The following SETDB1 variants were observed in gnomAD, a reference collection of about 807,000 sequenced individuals.
The protein encoded by SETDB1 is SET domain bifurcated histone lysine methyltransferase 1.
A neutral mutation model predicts 137.4 loss-of-function variants in SETDB1; 31 were observed. That is an observed-to-expected ratio of 0.23 (90% CI 0.17 to 0.30). The LOEUF (loss-of-function observed/expected upper bound fraction) is 0.30. Ranked by LOEUF, SETDB1 falls within the 10% of genes least tolerant of loss-of-function variation. The pLI, the probability that SETDB1 is intolerant of heterozygous loss-of-function variation, is 1.00. For missense variants in SETDB1, 1,113 were observed against 1,631.5 expected (o/e 0.68, Z 5.47); for synonymous variants, 548 against 579.9 (o/e 0.95, Z 0.79).
rs762872891 is a variant in SETDB1 at position 150,950,519 on chromosome 1, C to A, written c.1645C>A (p.Pro549Thr). ...CTCAGCACTCCCGGCCCCTCCAGCA[C>A]CCCCAGTCTTCCATGGCATGCTGGA... ...APSALPAPPA[P>T]PVFHGMLERA... Residue 549 changes from proline to threonine, a missense_variant, in exon 13 of 22, where the codon CCC becomes ACC. Transcript: ENST00000692827. 4.3e-6 allele frequency: 7 copies of A among 1,613,570 alleles called. No individual in the cohort carries two copies. In the Admixed American group the frequency reaches 5.0e-5, roughly 12 times the overall value.
intron 15 of SETDB1, 132 bp from the exon 16 acceptor site, chr1:150,960,431 C>A (rs1328534823): frequency 1.4e-6 from 1 of 730,740 alleles, no homozygotes; most frequent in Non-Finnish European, 2.2e-6. Context: ...GAGCCGAGAT[C>A]GCGCCACTGC....
chr1:150,932,023 G>A (rs1669775414), intron 3 of SETDB1, among the ~76,000 whole-genome samples: 1 of 151,924 alleles, frequency 6.6e-6, no homozygotes, highest in Non-Finnish European at 1.5e-5. Flanking sequence ...CATTCCTGGA[G>A]TAAACCAGCC....
intron 13 of SETDB1, 45 bp from the exon 14 acceptor site, chr1:150,951,320 C>T: frequency 7.1e-7 from 1 of 1,399,492 alleles, no homozygotes; most frequent in Non-Finnish European, 1.0e-6. Context: ...TATTTTTGTT[C>T]TCTGATCCCC....
chr1:150,931,691 C>T (rs1669759970), intron 3 of SETDB1, among the ~76,000 whole-genome samples: 2 of 133,414 alleles, frequency 1.5e-5, no homozygotes, highest in South Asian at 4.8e-4. Context: ...CTACTGCACT[C>T]CAGCCTGGGC....
intron 10 of SETDB1, 132 bp from the exon 11 acceptor site, chr1:150,948,990 A>G (rs778643431): frequency 3.3e-6 from 3 of 909,716 alleles, no homozygotes; most frequent in South Asian, 1.8e-5. Flanking sequence ...AACTGCTGGG[A>G]TTACAGGCAA....
At chr1:150,958,360 T>A (rs1670718669) in intron 14 of SETDB1, among the ~76,000 whole-genome samples, 1 of 149,536 alleles carries the variant, frequency 6.7e-6, no homozygotes, top group African/African-American at 2.5e-5. Context: ...CAAGGAATTC[T>A]CCTACCTCAG....
intron 4 of SETDB1, 29 bp downstream of exon 4, chr1:150,940,003 G>C: frequency 6.3e-7 from 1 of 1,590,720 alleles, no homozygotes; most frequent in Non-Finnish European, 8.6e-7. Context: ...GGAAGGGTGA[G>C]AGATAAGAAT....
chr1:150,948,634 TTA>T (rs957361842), intron 10 of SETDB1, among the ~76,000 whole-genome samples: 37 of 152,264 alleles, frequency 2.4e-4, no homozygotes, highest in Middle Eastern at 3.4e-3. Context: ...AGAAAAAGTA[TTA>T]TCTAAGTCAA....
chr1:150,960,095 A>AT (rs1670776089), intron 15 of SETDB1, among the ~76,000 whole-genome samples: 1 of 151,400 alleles, frequency 6.6e-6, no homozygotes, highest in Non-Finnish European at 1.5e-5. Context: ...AAAAAAAAAA[A>AT]CAGAAATGAG....
At position 150,942,644 on chromosome 1, in the gene SETDB1, C is replaced by G; in HGVS notation, c.629C>G (p.Thr210Ser). The change falls in exon 6 of 22, where the codon ACT (threonine) becomes AGT (serine). Residue 210 changes from threonine to serine, a missense_variant. Thr to Ser is a moderately conservative substitution (Grantham distance 58). This residue lies in a region of SETDB1 where 154 missense variants were observed against 303.1 expected (regional missense o/e 0.51). Transcript: ENST00000692827. ...VSMRILGKKRTKTWHKGTLIA... is the reference protein window; with the variant it reads ...VSMRILGKKRSKTWHKGTLIA... ...ATGCGAATTCTGGGCAAGAAGAGAA[C>G]TAAGACTTGGCACAAAGGCACCCTT... The G allele has an allele frequency of 1.2e-6, 2 of 1,613,928 alleles. No individual in the cohort carries two copies. The highest frequency in any genetic ancestry group is 1.7e-6 in the Non-Finnish European group (2 of 1,179,956).
At position 150,942,853 on chromosome 1, in the gene SETDB1, G is replaced by A. The variant is rs763208166; in HGVS notation, c.675G>A (p.Gly225=). The A allele has an allele frequency of 3.1e-6, 5 of 1,613,430 alleles. No individual in the cohort carries two copies. The East Asian group carries it at 8.9e-5, about 29-fold the overall frequency. The change falls in exon 7 of 22, where the codon GGG becomes GGA. Residue 225 remains glycine (G), a splice_region_variant and synonymous_variant. Coordinates refer to ENST00000692827, the MANE Select transcript of SETDB1 (RefSeq NM_001366418.1). ...KGTLIAIQTV[G]PGKKYKVKFD... ...GATTTATCTTTCCCTTTTACTCAGGGCCAGGGAAGAAATACAAGGTGAAAT... is the reference window on the plus strand; with the variant it reads ...GATTTATCTTTCCCTTTTACTCAGGACCAGGGAAGAAATACAAGGTGAAAT...
intron 3 of SETDB1, among the ~76,000 whole-genome samples, chr1:150,939,345 T>G (rs1296985899): frequency 6.6e-6 from 1 of 151,768 alleles, no homozygotes; most frequent in African/African-American, 2.4e-5. Context: ...TATTGTTTTT[T>G]GAGCCAGAGT....
intron 14 of SETDB1, among the ~76,000 whole-genome samples, chr1:150,958,418 A>AT (rs1670721523): frequency 6.6e-6 from 1 of 151,492 alleles, no homozygotes; most frequent in Non-Finnish European, 1.5e-5. Flanking sequence ...CACCCGGCTA[A>AT]TTTTTTAATT....
chr1:150,944,787 C>A, intron 8 of SETDB1, 131 bp from the exon 9 acceptor site: 1 of 953,792 alleles, frequency 1.0e-6, no homozygotes, highest in East Asian at 2.6e-5. Context: ...GGCTTTGCTT[C>A]CCTTGAGGTT....
At chr1:150,961,459 T>C (rs1032086498) in intron 16 of SETDB1, 2 of 413,748 alleles carry the variant, frequency 4.8e-6, no homozygotes, top group South Asian at 2.2e-5. Flanking sequence ...TTGGAGACCA[T>C]CCTGGCCAAC....
intron 21 of SETDB1, 27 bp downstream of exon 21, chr1:150,964,110 G>A (rs770351011): frequency 3.1e-6 from 5 of 1,595,100 alleles, no homozygotes; most frequent in Non-Finnish European, 4.3e-6. Context: ...GGGGATGACT[G>A]GGGAGGGGCA....
intron 14 of SETDB1, 88 bp downstream of exon 14, chr1:150,951,569 TA>T: frequency 1.4e-6 from 1 of 704,318 alleles, no homozygotes; most frequent in East Asian, 2.7e-5. Flanking sequence ...ATCAGAAATC[TA>T]AAAATTGGAA....
At chr1:150,929,643 A>G (rs1335764573) in intron 2 of SETDB1, among the ~76,000 whole-genome samples, 7 of 152,004 alleles carry the variant, frequency 4.6e-5, no homozygotes, top group African/African-American at 1.7e-4. Context: ...CAGCCTCCCA[A>G]ATTGCTGGGA....
Position 150,963,153 on chromosome 1 carries a change from A to AT in SETDB1, c.3460+18dup. On this transcript the variant is annotated intron_variant, in intron 19 of 21. Coordinates refer to ENST00000692827, the MANE Select transcript of SETDB1 (RefSeq NM_001366418.1). Reference sequence around the variant, plus strand: ...AGAACATGACTGGTAGCCTGGAAAAATTTTGGGAATGGTGGGAAGAAATAG... The same window carrying AT: ...AGAACATGACTGGTAGCCTGGAAAAATTTTTGGGAATGGTGGGAAGAAATAG... 1 of 1,600,862 alleles carries AT rather than the reference A, an allele frequency of 6.2e-7. No individual in the cohort carries two copies. The highest frequency in any genetic ancestry group is 1.7e-5 in the Admixed American group (1 of 58,534).
Sources: gnomAD v4.1 joint callset for allele counts (sites outside exome capture counted in the v4.1 genomes callset) on GRCh38, gnomAD v4.1.1 for gene constraint, gnomAD v4.1.1 regional missense constraint, MANE v1.5 for transcripts, NCBI Gene and HGNC (gene_info 2026-07-23, HGNC 2026-07-21) for gene names.